The following PDE4D variants were observed in gnomAD, a reference collection of about 807,000 sequenced individuals.
The protein encoded by PDE4D is 3',5'-cyclic-AMP phosphodiesterase 4D.
PDE4D carries 24 observed loss-of-function variants against 87.4 expected under a neutral mutation model. The observed-to-expected ratio is 0.27, with a 90% CI of 0.20 to 0.39. The LOEUF is 0.39. PDE4D is among the 10% of genes least tolerant of loss of function. The pLI is 1.00. For synonymous variants in PDE4D, 384 were observed against 383.2 expected (o/e 1.00, Z -0.02); for missense variants, 714 against 1,041.0 (o/e 0.69, Z 4.32).
intron 3 of PDE4D, among the ~76,000 whole-genome samples, chr5:59,915,017 C>G (rs1753888098): frequency 2.0e-5 from 3 of 151,732 alleles, no homozygotes; most frequent in Admixed American, 1.3e-4. Flanking sequence ...GGGGAAGGAG[C>G]AGGTTTGAAG....
rs547220619 is a variant in PDE4D at position 59,595,955 on chromosome 5, A to G, written c.455+297213T>C. On this transcript the variant is annotated intron_variant, in intron 1 of 14. Coordinates refer to ENST00000340635, the MANE Select transcript of PDE4D (RefSeq NM_001104631.2). ...GGTCCACCATATATATTGTCAATCT[A>G]ATTTAACGCTTCTTTAATATTCTGC... Among the ~76,000 whole-genome samples the G allele has an allele frequency of 9.3e-4, 141 of 152,054 alleles. 1 individual carries two copies. Among genetic ancestry groups the G allele is most frequent in the African/African-American group, 3.2e-3 (135 of 41,552 alleles).
At chr5:58,985,602 A>C (rs1746231541) in intron 11 of PDE4D, among the ~76,000 whole-genome samples, 1 of 152,192 alleles carries the variant, frequency 6.6e-6, no homozygotes, top group Admixed American at 6.5e-5. Flanking sequence ...CTATGGGTTT[A>C]TAAATTTGAT....
intron 1 of PDE4D, among the ~76,000 whole-genome samples, chr5:59,380,907 A>G (rs896569102): frequency 6.6e-6 from 1 of 152,176 alleles, no homozygotes; most frequent in Non-Finnish European, 1.5e-5. Context: ...TTATTGGAAC[A>G]TATTATGCTC....
intron 2 of PDE4D, chr5:59,193,801 T>TA (rs1744842287): frequency 1.0e-6 from 1 of 985,302 alleles, no homozygotes; most frequent in Non-Finnish European, 1.2e-6. Context: ...GCACACAGGA[T>TA]ATGCAATAGT....
intron 1 of PDE4D, among the ~76,000 whole-genome samples, chr5:60,394,390 G>A (rs1295370421): frequency 2.0e-5 from 3 of 152,196 alleles, no homozygotes; most frequent in Non-Finnish European, 4.4e-5. Flanking sequence ...GCACTGAAAT[G>A]GGGATAAGAA....
chr5:59,292,458 A>G (rs2153556169), intron 1 of PDE4D, among the ~76,000 whole-genome samples: 1 of 152,172 alleles, frequency 6.6e-6, no homozygotes, highest in African/African-American at 2.4e-5. Flanking sequence ...TATTTTTGCT[A>G]TCAACAGTCT....
chr5:60,075,058 G>T (rs1008470000), intron 2 of PDE4D, among the ~76,000 whole-genome samples: 2 of 152,104 alleles, frequency 1.3e-5, no homozygotes, highest in African/African-American at 2.4e-5. Context: ...GTTGTTAGGT[G>T]GTTACTATGC....
chr5:60,212,622 G>A (rs1486051880), intron 1 of PDE4D, among the ~76,000 whole-genome samples: 1 of 152,166 alleles, frequency 6.6e-6, no homozygotes, highest in Non-Finnish European at 1.5e-5. Context: ...CCAATACAGA[G>A]GGCAGACAAG....
intron 1 of PDE4D, among the ~76,000 whole-genome samples, chr5:59,267,045 A>G (rs921938313): frequency 3.3e-5 from 5 of 152,070 alleles, no homozygotes; most frequent in African/African-American, 9.7e-5. Context: ...TGTAGCTATC[A>G]TTAATGAGGT....
At chr5:59,706,640 A>G (rs1364182147) in intron 1 of PDE4D, among the ~76,000 whole-genome samples, 1 of 152,174 alleles carries the variant, frequency 6.6e-6, no homozygotes, top group Non-Finnish European at 1.5e-5. Context: ...ATGATGCTTC[A>G]TGGTTTAGAG....
intron 1 of PDE4D, among the ~76,000 whole-genome samples, chr5:59,554,734 A>T (rs887521221): frequency 7.9e-5 from 12 of 152,198 alleles, no homozygotes; most frequent in African/African-American, 2.9e-4. Context: ...CTCAGTCAGA[A>T]CTAGGTCTCG....
intron 1 of PDE4D, among the ~76,000 whole-genome samples, chr5:59,582,682 T>C (rs1298552675): frequency 6.6e-6 from 1 of 152,180 alleles, no homozygotes; most frequent in Non-Finnish European, 1.5e-5. Flanking sequence ...AATAACTTTC[T>C]AGACTAAACC....
chr5:59,860,951 C>T (rs1746163829), intron 1 of PDE4D, among the ~76,000 whole-genome samples: 4 of 151,812 alleles, frequency 2.6e-5, no homozygotes, highest in East Asian at 1.9e-4. Context: ...CTCTGCCTCC[C>T]GGGTTCAAGC....
intron 1 of PDE4D, among the ~76,000 whole-genome samples, chr5:59,222,827 C>T (rs1308691621): frequency 6.6e-6 from 1 of 152,190 alleles, no homozygotes; most frequent in Non-Finnish European, 1.5e-5. Flanking sequence ...AAGATAATTA[C>T]AATACCTAGC....
At chr5:60,463,684 G>A (rs1298669264) in intron 1 of PDE4D, among the ~76,000 whole-genome samples, 1 of 152,162 alleles carries the variant, frequency 6.6e-6, no homozygotes, top group African/African-American at 2.4e-5. Context: ...ATGCCCTCTT[G>A]CTGTTTTTCT....
intron 1 of PDE4D, among the ~76,000 whole-genome samples, chr5:59,394,917 G>A (rs557072788): frequency 3.0e-4 from 46 of 152,202 alleles, no homozygotes; most frequent in Admixed American, 7.8e-4. Flanking sequence ...TGCCTCACTC[G>A]GGAAGTGCAA....
intron 1 of PDE4D, among the ~76,000 whole-genome samples, chr5:60,265,743 A>G (rs932558772): frequency 6.6e-6 from 1 of 152,090 alleles, no homozygotes; most frequent in African/African-American, 2.4e-5. Context: ...GGCCAGAGTC[A>G]CCTGCCATTA....
chr5:59,583,780 T>A (rs1824622600), intron 1 of PDE4D, among the ~76,000 whole-genome samples: 1 of 152,238 alleles, frequency 6.6e-6, no homozygotes, highest in South Asian at 2.1e-4. Context: ...TTTCAATTAC[T>A]ACTTCTGGTA....
intron 1 of PDE4D, among the ~76,000 whole-genome samples, chr5:59,300,111 CAAAAAAAAAAA>C (rs58771016): frequency 4.1e-5 from 2 of 48,758 alleles, no homozygotes; most frequent in African/African-American, 9.1e-5. Flanking sequence ...GGGTCTGTCT[CAAAAAAAAAAA>C]AAAAAAAAAA....
Sources: allele counts gnomAD v4.1 joint callset (sites outside exome capture counted in the v4.1 genomes callset), GRCh38; gene constraint gnomAD v4.1.1; transcripts MANE v1.5; gene names NCBI Gene and HGNC (gene_info 2026-07-23, HGNC 2026-07-21).